Variants in LRP1B observed in about 807,000 individuals in gnomAD.
The protein encoded by LRP1B is low-density lipoprotein receptor-related protein 1B.
A neutral mutation model predicts 556.6 loss-of-function variants in LRP1B; 217 were observed. The ratio of observed to expected loss-of-function variants is 0.39; its 90% CI spans 0.35 to 0.44. The LOEUF is 0.44. Ranked by LOEUF, LRP1B falls within the 20% of genes least tolerant of loss-of-function variation. LRP1B has a pLI of 1.00. For missense variants in LRP1B, 5,053 were observed against 5,620.8 expected (o/e 0.90, Z 3.23); for synonymous variants, 2,047 against 1,865.8 (o/e 1.10, Z -2.50).
At chr2:140,774,860 A>C (rs970552349) in intron 33 of LRP1B, among the ~76,000 whole-genome samples, 1 of 152,132 alleles carries the variant, frequency 6.6e-6, no homozygotes, top group African/African-American at 2.4e-5. Context: ...ACATGACCCC[A>C]AAAATTCAGA....
At chr2:141,327,302 A>T (rs2105483450) in intron 3 of LRP1B, among the ~76,000 whole-genome samples, 1 of 152,336 alleles carries the variant, frequency 6.6e-6, no homozygotes, top group Admixed American at 6.5e-5. Context: ...GTAAGGAGCC[A>T]CTAATTGCAG....
intron 20 of LRP1B, among the ~76,000 whole-genome samples, chr2:140,929,756 T>TCACA (rs3063648): frequency 0.11 from 14,845 of 139,158 alleles, 866 homozygotes; most frequent in Middle Eastern, 0.15. Context: ...TCATATAGAC[T>TCACA]CACACACACA....
At chr2:141,577,568 T>A (rs2105273720) in intron 2 of LRP1B, among the ~76,000 whole-genome samples, 1 of 152,310 alleles carries the variant, frequency 6.6e-6, no homozygotes, top group East Asian at 1.9e-4. Context: ...CATGGCTGGA[T>A]GTGATGGAGG....
chr2:141,271,067 A>G (rs1685072317), intron 3 of LRP1B, among the ~76,000 whole-genome samples: 1 of 152,008 alleles, frequency 6.6e-6, no homozygotes, highest in African/African-American at 2.4e-5. Context: ...AATTACTAAA[A>G]TGAACTAAAT....
chr2:140,662,937 T>C (rs532562089), intron 41 of LRP1B, among the ~76,000 whole-genome samples: 2 of 152,232 alleles, frequency 1.3e-5, no homozygotes, highest in Admixed American at 6.5e-5. Context: ...GGGTAGCAAA[T>C]ATTAATAACA....
chr2:141,593,410 T>C (rs1687407443), intron 2 of LRP1B, among the ~76,000 whole-genome samples: 2 of 152,176 alleles, frequency 1.3e-5, no homozygotes, highest in African/African-American at 2.4e-5. Context: ...AAGTGAGGTA[T>C]ACTGAATACT....
At chr2:140,993,953 T>C (rs779868233) in intron 16 of LRP1B, 42 bp downstream of exon 16, 1 of 1,600,670 alleles carries the variant, frequency 6.2e-7, no homozygotes, top group Non-Finnish European at 8.5e-7. Context: ...ACTCAAAGAC[T>C]CAGGAAAATA....
intron 11 of LRP1B, among the ~76,000 whole-genome samples, chr2:141,037,147 A>T (rs139810606): frequency 0.011 from 1,672 of 152,106 alleles, 19 homozygotes; most frequent in Non-Finnish European, 0.018. Context: ...GGAAATATTG[A>T]AAACTGAGGG....
At position 140,388,334 on chromosome 2, in the gene LRP1B, T is replaced by A. The variant is rs572515867; in HGVS notation, c.10415-2325A>T. ...GAAAAATAGCCCATGTAATCCAGTT[T>A]TATAGCACTGACTCTCAGCACAACA... On this transcript the variant is annotated intron_variant, in intron 66 of 90. Coordinates refer to ENST00000389484, the MANE Select transcript of LRP1B (RefSeq NM_018557.3). 2.2e-4 allele frequency among the ~76,000 whole-genome samples: 33 copies of A among 152,258 alleles called. 3 individuals are homozygous for A. The highest frequency in any genetic ancestry group is 6.5e-4 in the African/African-American group (27 of 41,556).
intron 60 of LRP1B, among the ~76,000 whole-genome samples, chr2:140,458,683 G>A (rs181612860): frequency 6.6e-6 from 1 of 152,038 alleles, no homozygotes; most frequent in Admixed American, 6.6e-5. Flanking sequence ...GAAAATTAAT[G>A]TTTGGCATAT....
intron 49 of LRP1B, among the ~76,000 whole-genome samples, chr2:140,520,659 A>T (rs1300396956): frequency 6.6e-6 from 1 of 151,816 alleles, no homozygotes; most frequent in Admixed American, 6.6e-5. Context: ...TATTTCTTTT[A>T]AATACTTTAT....
At chr2:141,411,764 G>A (rs555288761) in intron 3 of LRP1B, among the ~76,000 whole-genome samples, 2 of 151,942 alleles carry the variant, frequency 1.3e-5, no homozygotes, top group Non-Finnish European at 2.9e-5. Flanking sequence ...GAAAATAATG[G>A]AATATAAAGC....
At chr2:140,264,711 TGTG>T (rs1425142603) in intron 86 of LRP1B, among the ~76,000 whole-genome samples, 6 of 25,402 alleles carry the variant, frequency 2.4e-4, no homozygotes, top group Non-Finnish European at 4.7e-4. Context: ...TATGTGTGTG[TGTG>T]TGTGTGTGTG....
intron 1 of LRP1B, among the ~76,000 whole-genome samples, chr2:141,907,053 G>A (rs1699777937): frequency 6.6e-6 from 1 of 152,096 alleles, no homozygotes; most frequent in Non-Finnish European, 1.5e-5. Context: ...GGGTGGTGCT[G>A]TAGAGGAATT....
intron 23 of LRP1B, 42 bp from the exon 24 acceptor site, chr2:140,886,377 ACT>A (rs940343035): frequency 3.7e-6 from 4 of 1,068,538 alleles, no homozygotes; most frequent in Non-Finnish European, 5.4e-6. Context: ...GAAAATGTAA[ACT>A]CTGGTAATGA....
intron 60 of LRP1B, among the ~76,000 whole-genome samples, chr2:140,471,440 T>C (rs576810175): frequency 7.5e-4 from 114 of 152,248 alleles, no homozygotes; most frequent in Non-Finnish European, 1.4e-3. Context: ...TGTACAAATA[T>C]ATGCAAAACT....
At chr2:141,500,975 C>T (rs934291043) in intron 2 of LRP1B, among the ~76,000 whole-genome samples, 1 of 151,844 alleles carries the variant, frequency 6.6e-6, no homozygotes, top group African/African-American at 2.4e-5. Flanking sequence ...GGTCATTTTT[C>T]CCATTTCTTT....
chr2:141,413,122 G>T (rs1052611408), intron 3 of LRP1B, among the ~76,000 whole-genome samples: 1 of 152,178 alleles, frequency 6.6e-6, no homozygotes, highest in African/African-American at 2.4e-5. Flanking sequence ...AGCTACTTGG[G>T]AGGCTGAGAC....
intron 84 of LRP1B, among the ~76,000 whole-genome samples, chr2:140,286,351 AGG>A (rs1683152171): frequency 1.3e-5 from 2 of 151,822 alleles, no homozygotes; most frequent in African/African-American, 4.8e-5. Flanking sequence ...GGAGTAAAAG[AGG>A]GAGACTGGAA....
Sources: gnomAD v4.1 joint callset for allele counts (sites outside exome capture counted in the v4.1 genomes callset) on GRCh38, gnomAD v4.1.1 for gene constraint, MANE v1.5 for transcripts, NCBI Gene and HGNC (gene_info 2026-07-23, HGNC 2026-07-21) for gene names.